PLEKHM2: variants seen among roughly 807,000 people sequenced by gnomAD.
The protein encoded by PLEKHM2 is pleckstrin homology domain-containing family M member 2.
In PLEKHM2, 77 loss-of-function variants were observed where a neutral mutation model predicts 116.3. The observed-to-expected ratio is 0.66, with a 90% confidence interval of 0.55 to 0.80. The LOEUF is 0.80. Ranked by LOEUF, PLEKHM2 falls within the 30% of genes least tolerant of loss-of-function variation. The pLI is 0.00. For synonymous variants in PLEKHM2, 562 were observed against 571.0 expected (o/e 0.98, Z 0.22); for missense variants, 1,183 against 1,354.9 (o/e 0.87, Z 1.99).
At chr1:15,733,611 A>T (rs992477283) in intron 19 of PLEKHM2, among the ~76,000 whole-genome samples, 186 bp from the exon 20 acceptor site, 1 of 152,214 alleles carries the variant, frequency 6.6e-6, no homozygotes, top group African/African-American at 2.4e-5. Context: ...GCACCACCCC[A>T]TCCTCAGCTC....
In PLEKHM2 at chr1:15,727,301, T is replaced by C. The variant is rs772309091; in HGVS notation, c.1229T>C (p.Leu410Pro). Residue 410 changes from leucine (L) to proline (P), a missense_variant, in exon 9 of 20, where the codon CTG becomes CCG. Coordinates refer to ENST00000375799, the MANE Select transcript of PLEKHM2 (RefSeq NM_015164.4). The surrounding 1 kb of genome is among the most constrained non-coding windows in gnomAD (Gnocchi z 7.5). Reference protein sequence around the residue: ...DTSMERLGQPLSKVIDQLNGQ... With the variant: ...DTSMERLGQPPSKVIDQLNGQ... Reference sequence around the variant, plus strand: ...TCCATGGAGCGCTTGGGGCAGCCCCTGAGCAAGGTTATCGACCAGCTCAAC... The same window carrying C: ...TCCATGGAGCGCTTGGGGCAGCCCCCGAGCAAGGTTATCGACCAGCTCAAC... 6.2e-7 allele frequency: 1 copy of C among 1,604,314 alleles called. No homozygotes were observed. The highest frequency in any genetic ancestry group is 8.5e-7 in the Non-Finnish European group (1 of 1,176,400).
chr1:15,728,655 G>A lies in PLEKHM2; in HGVS notation c.1922-14G>A, dbSNP rs1166957196. 1.2e-6 allele frequency: 2 copies of A among 1,604,302 alleles called. No individual in the cohort carries two copies. Among genetic ancestry groups the A allele is most frequent in the Non-Finnish European group, 1.7e-6 (2 of 1,175,232 alleles). On this transcript the variant is annotated splice_polypyrimidine_tract_variant and intron_variant, in intron 11 of 19. Coordinates refer to ENST00000375799, the MANE Select transcript of PLEKHM2 (RefSeq NM_015164.4). The surrounding 1 kb of genome is among the most constrained non-coding windows in gnomAD (Gnocchi z 5.9). Reference sequence around the variant, plus strand: ...GCCTGTGGGGATAATAGGCCTTGGGGTTTCCTCTCTCAGGGGCCACAGAGA... The same window carrying A: ...GCCTGTGGGGATAATAGGCCTTGGGATTTCCTCTCTCAGGGGCCACAGAGA...
At position 15,730,013 on chromosome 1, in the gene PLEKHM2, G is replaced by A. The variant is rs532546257; in HGVS notation, c.2208+84G>A. On this transcript the variant is annotated intron_variant, in intron 14 of 19. Coordinates refer to ENST00000375799, the MANE Select transcript of PLEKHM2 (RefSeq NM_015164.4). ...TTGGCGTGAGCGTTAAGGGATGCAC[G>A]TGGATGTCTTTGCCATTTCACAATC... 1.5e-4 allele frequency: 139 copies of A among 912,136 alleles called. 1 individual carries two copies. The South Asian group carries it at 2.1e-3, about 14-fold the overall frequency. 56.5% of individuals were successfully genotyped at this position (912,136 alleles called of 1,614,324 possible).
Position 15,728,105 on chromosome 1 carries a change from T to A in PLEKHM2, c.1787T>A (p.Leu596His). ...FRVDNNHLLL[L>H]MIHVFRENEE... Reference sequence around the variant, plus strand: ...GTAGACAACAATCACCTGCTCCTGCTCATGATCCACGTGTTCCGAGAAAAC... The same window carrying A: ...GTAGACAACAATCACCTGCTCCTGCACATGATCCACGTGTTCCGAGAAAAC... Residue 596 changes from leucine to histidine, a missense_variant, in exon 10 of 20, where the codon CTC becomes CAC. By Grantham distance (99) the Leu-to-His change is moderately conservative. Coordinates refer to ENST00000375799, the MANE Select transcript of PLEKHM2 (RefSeq NM_015164.4). This position sits in a 1 kb window ranked among gnomAD's most constrained non-coding sequence, Gnocchi z 5.9. 1 of 1,611,444 alleles carries A rather than the reference T, an allele frequency of 6.2e-7. No homozygotes were observed. The highest frequency in any genetic ancestry group is 8.5e-7 in the Non-Finnish European group (1 of 1,178,848).
chr1:15,685,371 T>C (rs1640746375), intron 1 of PLEKHM2, among the ~76,000 whole-genome samples: 1 of 152,068 alleles, frequency 6.6e-6, no homozygotes, highest in African/African-American at 2.4e-5. Context: ...AGAATCCATA[T>C]TCTGACGTTT....
chr1:15,711,341 C>A (rs113991805), intron 1 of PLEKHM2, among the ~76,000 whole-genome samples: 1 of 151,554 alleles, frequency 6.6e-6, no homozygotes, highest in African/African-American at 2.4e-5. Flanking sequence ...TGTGGCCAAC[C>A]GTGGTGGCTC....
At chr1:15,718,050 C>T (rs1344952044) in intron 4 of PLEKHM2, 58 bp downstream of exon 4, 2 of 1,078,138 alleles carry the variant, frequency 1.9e-6, no homozygotes, top group African/African-American at 3.1e-5. Context: ...CAGCTACCTC[C>T]CAAAGGCTCT....
Position 15,729,436 on chromosome 1 carries a change from T to C in PLEKHM2, c.2075+246T>C, listed in dbSNP as rs7539884. On this transcript the variant is annotated intron_variant, in intron 13 of 19. Transcript: ENST00000375799. The surrounding 1 kb of genome is among the most constrained non-coding windows in gnomAD (Gnocchi z 4.7). Reference sequence around the variant, plus strand: ...TCTTGGGGGTGCTAGCATGAGTTGTTGGACAGGAAGGCAGGCAGAGAGCCA... The same window carrying C: ...TCTTGGGGGTGCTAGCATGAGTTGTCGGACAGGAAGGCAGGCAGAGAGCCA... Among the ~76,000 whole-genome samples, 51,644 of 152,036 alleles carry C rather than the reference T, an allele frequency of 0.34. 11,763 individuals carry two copies. The highest frequency in any genetic ancestry group is 0.66 in the African/African-American group (27,134 of 41,424).
Position 15,727,205 on chromosome 1 carries a change from G to A in PLEKHM2, c.1133G>A (p.Gly378Glu). Residue 378 changes from glycine to glutamate, a missense_variant, in exon 9 of 20, where the codon GGG (glycine) becomes GAG (glutamate). Physicochemically the swap from Gly to Glu is moderately conservative, Grantham distance 98. This residue lies in a region of PLEKHM2 where 372 missense variants were observed against 357.2 expected (regional missense o/e 1.04). Coordinates refer to ENST00000375799, the MANE Select transcript of PLEKHM2 (RefSeq NM_015164.4). The surrounding 1 kb of genome is among the most constrained non-coding windows in gnomAD (Gnocchi z 7.5). Reference sequence around the variant, plus strand: ...GCCTCCCCCCAGGAGGAGGGAGAGGGGCCGAGCAGCACCACGGAGAGCAGC... The same window carrying A: ...GCCTCCCCCCAGGAGGAGGGAGAGGAGCCGAGCAGCACCACGGAGAGCAGC... ...MLASPQEEGE[G>E]PSSTTESSER... 1 of 1,607,060 alleles carries A rather than the reference G, an allele frequency of 6.2e-7. No individual in the cohort carries two copies. Among genetic ancestry groups the A allele is most frequent in the Non-Finnish European group, 8.5e-7 (1 of 1,177,592 alleles).
chr1:15,713,237 A>T (rs1263079061), intron 1 of PLEKHM2, among the ~76,000 whole-genome samples: 1 of 152,158 alleles, frequency 6.6e-6, no homozygotes, highest in Non-Finnish European at 1.5e-5. Context: ...TACAGGCATG[A>T]GCCACCACTC....
At chr1:15,715,117 G>C (rs1367092815) in intron 1 of PLEKHM2, among the ~76,000 whole-genome samples, 3 of 152,188 alleles carry the variant, frequency 2.0e-5, no homozygotes, top group African/African-American at 7.2e-5. Context: ...CATGCACCTA[G>C]ATCCATATCC....
intron 1 of PLEKHM2, among the ~76,000 whole-genome samples, chr1:15,703,885 C>T (rs745872827): frequency 6.6e-6 from 1 of 152,156 alleles, no homozygotes; most frequent in Admixed American, 6.6e-5. Context: ...TAGCTTTTCC[C>T]GGCCCTGGTG....
At chr1:15,697,217 C>T (rs1172026626) in intron 1 of PLEKHM2, among the ~76,000 whole-genome samples, 2 of 152,230 alleles carry the variant, frequency 1.3e-5, no homozygotes, top group East Asian at 3.8e-4. Context: ...AAACCGAGCT[C>T]AGGGTCTCTG....
intron 17 of PLEKHM2, 53 bp downstream of exon 17, chr1:15,732,101 C>G (rs1054513513): frequency 1.6e-5 from 24 of 1,523,286 alleles, no homozygotes; most frequent in Non-Finnish European, 1.9e-5. Flanking sequence ...CCACCCAGAC[C>G]CCCAGGGTCC....
At position 15,728,737 on chromosome 1, in the gene PLEKHM2, A is replaced by C. The variant is rs2068099351; in HGVS notation, c.1986+4A>C. The C allele has an allele frequency of 3.1e-6, 5 of 1,606,908 alleles. No homozygotes were observed. On this transcript the variant is annotated splice_donor_region_variant and intron_variant, in intron 12 of 19. Coordinates refer to ENST00000375799, the MANE Select transcript of PLEKHM2 (RefSeq NM_015164.4). This position sits in a 1 kb window ranked among gnomAD's most constrained non-coding sequence, Gnocchi z 5.9. ...CAATGAACTTGACTATGTGTCGGTG[A>C]GTCCAGGCCCCGCAGTTGTGCGCCT...
chr1:15,711,119 T>A (rs1305107175), intron 1 of PLEKHM2, among the ~76,000 whole-genome samples: 1 of 152,124 alleles, frequency 6.6e-6, no homozygotes, highest in African/African-American at 2.4e-5. Flanking sequence ...CCTAGCATTT[T>A]GGGAGGCCAA....
intron 1 of PLEKHM2, among the ~76,000 whole-genome samples, chr1:15,685,655 G>A (rs1640755668): frequency 6.6e-6 from 1 of 151,580 alleles, no homozygotes; most frequent in African/African-American, 2.4e-5. Context: ...GAATTAATTA[G>A]ATCAACCATC....
rs572228732 is a variant in PLEKHM2, at chr1:15,717,465, T to C, written c.278-428T>C. ...ATTTATAAAATGCCAGCCCCCTCCATGAGGCCTCTTTTCTCCCCACATATG... is the reference window on the plus strand; with the variant it reads ...ATTTATAAAATGCCAGCCCCCTCCACGAGGCCTCTTTTCTCCCCACATATG... On this transcript the variant is annotated intron_variant, in intron 3 of 19. Transcript: ENST00000375799. Among the ~76,000 whole-genome samples the C allele has an allele frequency of 4.6e-5, 7 of 152,326 alleles. No individual in the cohort carries two copies. In the South Asian group the frequency reaches 1.0e-3, roughly 23 times the overall value.
chr1:15,720,161 T>A (rs1012515215), intron 6 of PLEKHM2, among the ~76,000 whole-genome samples: 106 of 148,960 alleles, frequency 7.1e-4, no homozygotes, highest in South Asian at 1.5e-3. Context: ...AAATATATAT[T>A]TTTTAAGGTT....
Sources: gnomAD v4.1 joint callset for allele counts (sites outside exome capture counted in the v4.1 genomes callset) on GRCh38, gnomAD v4.1.1 for gene constraint, gnomAD v4.1.1 regional missense constraint, Gnocchi (gnomAD v3.1) non-coding constraint, MANE v1.5 for transcripts, NCBI Gene and HGNC (gene_info 2026-07-23, HGNC 2026-07-21) for gene names.